The following ERICH3 variants were observed in gnomAD, a reference collection of about 807,000 sequenced individuals.
ERICH3 encodes glutamate-rich protein 3.
In ERICH3, 126 loss-of-function variants were observed where a neutral mutation model predicts 131.1. The observed-to-expected ratio is 0.96, with a 90% CI of 0.83 to 1.11. The LOEUF (loss-of-function observed/expected upper bound fraction) is 1.11, where lower values mean the gene tolerates loss of function less well. Among genes scored for constraint, ERICH3 ranks in the 50% most tolerant of loss-of-function variants. ERICH3 has a pLI of 0.00. For missense variants in ERICH3, 2,050 were observed against 1,810.7 expected (o/e 1.13, Z -2.40); for synonymous variants, 695 against 644.6 (o/e 1.08, Z -1.18).
chr1:74,634,652 A>G (rs1376819655), intron 6 of ERICH3: 3 of 714,884 alleles, frequency 4.2e-6, no homozygotes, highest in Admixed American at 4.0e-5. Context: ...AACTTAAAAA[A>G]TAATATAATC....
chr1:74,644,759 T>G (rs1412265244), intron 3 of ERICH3, among the ~76,000 whole-genome samples: 1 of 152,052 alleles, frequency 6.6e-6, no homozygotes, highest in Non-Finnish European at 1.5e-5. Flanking sequence ...ACCTCCAATC[T>G]TTTCCAGCTC....
intron 6 of ERICH3, among the ~76,000 whole-genome samples, chr1:74,635,974 T>C (rs1002600529): frequency 6.6e-6 from 1 of 152,214 alleles, no homozygotes; most frequent in African/African-American, 2.4e-5. Context: ...TCTTTTCTGA[T>C]AGAAGTTGTA....
intron 1 of ERICH3, among the ~76,000 whole-genome samples, chr1:74,664,932 T>C (rs1394227615): frequency 6.6e-6 from 1 of 152,210 alleles, no homozygotes; most frequent in African/African-American, 2.4e-5. Flanking sequence ...TTGACTTTTA[T>C]CTCCCTTTTG....
intron 9 of ERICH3, among the ~76,000 whole-genome samples, chr1:74,610,921 T>C (rs1022169308): frequency 6.6e-6 from 1 of 152,130 alleles, no homozygotes; most frequent in African/African-American, 2.4e-5. Flanking sequence ...ATTTTCTTTA[T>C]TTCCAAGATA....
At position 74,581,266 on chromosome 1, in the gene ERICH3, T is replaced by C. The variant is rs536472821; in HGVS notation, c.2177-4330A>G. Among the ~76,000 whole-genome samples the C allele has an allele frequency of 2.6e-5, 4 of 152,334 alleles. No individual in the cohort carries two copies. In the South Asian group the frequency reaches 6.2e-4, roughly 24 times the overall value. On this transcript the variant is annotated intron_variant, in intron 12 of 14. Coordinates refer to ENST00000326665, the MANE Select transcript of ERICH3 (RefSeq NM_001002912.5). ...TCATATTTCTTTTTCATCTGCTTTGTGTGGAATAGCATATTTTTCTTATTA... is the reference window on the plus strand; with the variant it reads ...TCATATTTCTTTTTCATCTGCTTTGCGTGGAATAGCATATTTTTCTTATTA...
intron 7 of ERICH3, chr1:74,623,134 A>C (rs1425750541): frequency 6.6e-6 from 1 of 152,236 alleles, no homozygotes; most frequent in Non-Finnish European, 1.5e-5. Context: ...TAAGTATCAA[A>C]ACCTTCCATG....
rs1318446341 is a variant in ERICH3, at chr1:74,599,921, T to C, written c.1500A>G (p.Glu500=). The C allele has an allele frequency of 3.7e-5, 59 of 1,604,788 alleles. No individual in the cohort carries two copies. The highest frequency in any genetic ancestry group is 5.4e-5 in the African/African-American group (4 of 74,260). Reference sequence around the variant, plus strand: ...GTTTCTCCTCATCTACTTCAAAGTCTTCTTCATACTCTGAAATAGGAAAAT... The same window carrying C: ...GTTTCTCCTCATCTACTTCAAAGTCCTCTTCATACTCTGAAATAGGAAAAT... ...QENTLKYEYE[E]DFEVDEEKQG... is the part of the protein sequence containing the mutation. The change falls in exon 11 of 15, where the codon GAA becomes GAG. Residue 500 remains glutamate, a synonymous_variant. Transcript: ENST00000326665.
At chr1:74,628,698 C>A (rs1274428056) in intron 7 of ERICH3, among the ~76,000 whole-genome samples, 1 of 151,364 alleles carries the variant, frequency 6.6e-6, no homozygotes, top group Non-Finnish European at 1.5e-5. Context: ...ATACAGTACA[C>A]ACACACACAC....
intron 1 of ERICH3, among the ~76,000 whole-genome samples, chr1:74,670,706 T>G (rs1229668831): frequency 6.6e-6 from 1 of 152,114 alleles, no homozygotes; most frequent in Admixed American, 6.5e-5. Flanking sequence ...TCAGTGCACC[T>G]TGAAAAAGAA....
At chr1:74,665,283 C>T (rs1050591435) in intron 1 of ERICH3, among the ~76,000 whole-genome samples, 1 of 151,822 alleles carries the variant, frequency 6.6e-6, no homozygotes, top group Non-Finnish European at 1.5e-5. Flanking sequence ...CTCTTGGGCT[C>T]CCCAACCTCC....
intron 12 of ERICH3, among the ~76,000 whole-genome samples, chr1:74,578,921 C>G (rs912863929): frequency 6.6e-6 from 1 of 151,968 alleles, no homozygotes; most frequent in East Asian, 1.9e-4. Context: ...AATATTAGGA[C>G]GACAAACAGA....
At chr1:74,669,473 G>A (rs552159985) in intron 1 of ERICH3, among the ~76,000 whole-genome samples, 7 of 152,146 alleles carry the variant, frequency 4.6e-5, no homozygotes, top group Admixed American at 6.5e-5. Context: ...ATGACTGAGG[G>A]ATATAAAACC....
At chr1:74,658,797 A>T (rs907111619) in intron 1 of ERICH3, among the ~76,000 whole-genome samples, 12 of 152,090 alleles carry the variant, frequency 7.9e-5, no homozygotes, top group African/African-American at 2.9e-4. Flanking sequence ...TCTTCTATTG[A>T]CACTTGTACT....
intron 10 of ERICH3, among the ~76,000 whole-genome samples, chr1:74,602,299 C>A (rs1464019798): frequency 6.6e-6 from 1 of 151,940 alleles, no homozygotes; most frequent in Non-Finnish European, 1.5e-5. Context: ...TTCTGTTAAC[C>A]ACAAACCTTC....
At position 74,606,772 on chromosome 1, in the gene ERICH3, G is replaced by A; in HGVS notation, c.1318C>T (p.Pro440Ser). ...KVRKEREYVI[P>S]KRNEIKENKT... is the part of the protein sequence containing the mutation. ...TTCTCCTTGATCTCATTTCTTTTTGGTATCACATACTCTCTCTCTTTCCTC... is the reference window on the plus strand; with the variant it reads ...TTCTCCTTGATCTCATTTCTTTTTGATATCACATACTCTCTCTCTTTCCTC... Residue 440 changes from proline (P) to serine (S), a missense_variant, in exon 10 of 15, where the codon CCA becomes TCA. Transcript: ENST00000326665. 2 of 1,613,110 alleles carry A rather than the reference G, an allele frequency of 1.2e-6. No homozygotes were observed. The highest frequency in any genetic ancestry group is 1.1e-5 in the South Asian group (1 of 91,052).
intron 12 of ERICH3, chr1:74,579,619 GT>G: frequency 1.0e-6 from 1 of 985,370 alleles, no homozygotes; most frequent in Non-Finnish European, 1.2e-6. Flanking sequence ...TCACTTGGTC[GT>G]TTTTTCTCAG....
chr1:74,599,588 C>T (rs1408807676), intron 11 of ERICH3, 107 bp downstream of exon 11: 1 of 963,956 alleles, frequency 1.0e-6, no homozygotes, highest in South Asian at 1.8e-5. Flanking sequence ...AGAAAACATA[C>T]ATTCAAGAGA....
At chr1:74,594,271 G>GGCGTGTGTGTGTGTGT (rs1647741671) in intron 11 of ERICH3, among the ~76,000 whole-genome samples, 1 of 136,160 alleles carries the variant, frequency 7.3e-6, no homozygotes, top group Non-Finnish European at 1.5e-5. Context: ...ACAAAAATGG[G>GGCGTGTGTGTGTGTGT]GCGTGTGTGT....
At chr1:74,622,996 T>C (rs1649280894) in intron 7 of ERICH3, 1 of 152,172 alleles carries the variant, frequency 6.6e-6, no homozygotes, top group African/African-American at 2.4e-5. Context: ...ATATACACAC[T>C]AGGAAACAAA....
Sources: gnomAD v4.1 joint callset for allele counts (sites outside exome capture counted in the v4.1 genomes callset) on GRCh38, gnomAD v4.1.1 for gene constraint, MANE v1.5 for transcripts, NCBI Gene and HGNC (gene_info 2026-07-23, HGNC 2026-07-21) for gene names.